The following NBEA variants were observed in gnomAD, a reference collection of about 807,000 sequenced individuals.
The protein encoded by NBEA is neurobeachin.
In NBEA, 44 loss-of-function variants were observed where a neutral mutation model predicts 343.4. That is an observed-to-expected ratio of 0.13 (90% CI 0.10 to 0.16). The LOEUF (loss-of-function observed/expected upper bound fraction) is 0.16, where lower values mean the gene tolerates loss of function less well. Ranked by LOEUF, NBEA falls within the 10% of genes least tolerant of loss-of-function variation. The probability of loss-of-function intolerance (pLI) is 1.00; values close to 1 mark genes in which losing one functional copy is unlikely to be tolerated. For synonymous variants in NBEA, 1,175 were observed against 1,238.7 expected (o/e 0.95, Z 1.08); for missense variants, 2,555 against 3,631.3 (o/e 0.70, Z 7.62).
At chr13:35,379,708 T>C (rs2041915375) in intron 38 of NBEA, among the ~76,000 whole-genome samples, 1 of 64,422 alleles carries the variant, frequency 1.6e-5, no homozygotes. Flanking sequence ...AAGTCAGGAT[T>C]ACTTTTTTTT....
intron 1 of NBEA, among the ~76,000 whole-genome samples, chr13:34,992,301 C>T (rs961064564): frequency 1.4e-5 from 2 of 146,456 alleles, no homozygotes; most frequent in South Asian, 2.2e-4. Flanking sequence ...GTCACCCAGG[C>T]TGGAGTGCAG....
chr13:35,111,777 A>AAATTTTT (rs2066220777), intron 13 of NBEA, among the ~76,000 whole-genome samples: 1 of 152,084 alleles, frequency 6.6e-6, no homozygotes, highest in Non-Finnish European at 1.5e-5. Context: ...CAAATATTTT[A>AAATTTTT]AATTTTTTTC....
At chr13:35,082,430 C>T (rs139487866) in intron 10 of NBEA, among the ~76,000 whole-genome samples, 6,973 of 152,220 alleles carry the variant, frequency 0.046, 240 homozygotes, top group Non-Finnish European at 0.068. Flanking sequence ...TGGATATATA[C>T]CCAGTAATGG....
At position 35,201,300 on chromosome 13, in the gene NBEA, A is replaced by T. The variant is rs546782772; in HGVS notation, c.5366+4998A>T. Among the ~76,000 whole-genome samples the T allele has an allele frequency of 2.0e-5, 3 of 152,220 alleles. No individual in the cohort carries two copies. The South Asian group carries it at 6.2e-4, about 32-fold the overall frequency. ...TAAAGTTCAGTGAGCTGAATAAAGT[A>T]TCTCTCATTAATAGGTGATTTAATG... On this transcript the variant is annotated intron_variant, in intron 31 of 58. Transcript: ENST00000379939.
chr13:35,621,949 A>C (rs997602652), intron 48 of NBEA, among the ~76,000 whole-genome samples: 4 of 152,244 alleles, frequency 2.6e-5, no homozygotes, highest in African/African-American at 9.6e-5. Context: ...TCATTTGTAC[A>C]GTACCTCACA....
intron 38 of NBEA, among the ~76,000 whole-genome samples, chr13:35,402,671 T>G (rs2043053049): frequency 6.6e-6 from 1 of 152,142 alleles, no homozygotes; most frequent in African/African-American, 2.4e-5. Flanking sequence ...AGTACACTTT[T>G]TAATTAGTTT....
chr13:35,457,249 A>T (rs1354886596), intron 40 of NBEA, among the ~76,000 whole-genome samples: 1 of 150,740 alleles, frequency 6.6e-6, no homozygotes, highest in Admixed American at 6.6e-5. Context: ...TTGTGTTAGC[A>T]TTTTTTTTTG....
intron 41 of NBEA, among the ~76,000 whole-genome samples, chr13:35,509,088 G>A (rs182872006): frequency 1.4e-3 from 208 of 152,284 alleles, no homozygotes; most frequent in African/African-American, 4.7e-3. Context: ...TTATAATGGC[G>A]GATGCCATTG....
At chr13:35,423,648 C>T (rs1027916352) in intron 38 of NBEA, among the ~76,000 whole-genome samples, 2 of 152,054 alleles carry the variant, frequency 1.3e-5, no homozygotes, top group Non-Finnish European at 2.9e-5. Flanking sequence ...TTTTTGGTTC[C>T]ATATGAACTT....
intron 34 of NBEA, among the ~76,000 whole-genome samples, chr13:35,286,932 G>A (rs1225743683): frequency 6.6e-6 from 1 of 151,972 alleles, no homozygotes. Flanking sequence ...TTTATTTACT[G>A]CCTGGATCTG....
chr13:35,596,980 C>T (rs532574359), intron 47 of NBEA, among the ~76,000 whole-genome samples: 3 of 151,984 alleles, frequency 2.0e-5, no homozygotes, highest in Admixed American at 2.0e-4. Context: ...ACGTCTGGAT[C>T]GGATTTGATT....
intron 13 of NBEA, among the ~76,000 whole-genome samples, chr13:35,111,267 T>C (rs907160300): frequency 4.6e-5 from 7 of 152,154 alleles, no homozygotes; most frequent in Admixed American, 1.3e-4. Context: ...AGATAAATGA[T>C]ATTGGTTATA....
intron 48 of NBEA, among the ~76,000 whole-genome samples, chr13:35,614,019 T>C (rs2082632445): frequency 6.6e-6 from 1 of 152,208 alleles, no homozygotes; most frequent in East Asian, 1.9e-4. Context: ...CACTTATCTT[T>C]CATCTTTTTT....
chr13:35,255,739 A>C (rs1014054307), intron 34 of NBEA, among the ~76,000 whole-genome samples: 8 of 152,220 alleles, frequency 5.3e-5, no homozygotes, highest in Non-Finnish European at 5.9e-5. Context: ...TGAGTCCTGC[A>C]GCTGTTCTCT....
At chr13:35,337,715 A>G (rs1351194034) in intron 36 of NBEA, among the ~76,000 whole-genome samples, 4 of 152,094 alleles carry the variant, frequency 2.6e-5, no homozygotes, top group African/African-American at 9.7e-5. Flanking sequence ...AGGACAGACC[A>G]TATGTGGCCA....
At chr13:35,511,148 A>G (rs1328690939) in intron 41 of NBEA, among the ~76,000 whole-genome samples, 1 of 152,204 alleles carries the variant, frequency 6.6e-6, no homozygotes, top group African/African-American at 2.4e-5. Flanking sequence ...TAAATACTCA[A>G]GTAAAAGCTT....
intron 10 of NBEA, among the ~76,000 whole-genome samples, chr13:35,074,059 G>T (rs890632225): frequency 2.0e-5 from 3 of 152,120 alleles, no homozygotes; most frequent in Non-Finnish European, 4.4e-5. Context: ...ACTTATAGTT[G>T]TTTTATGTAT....
chr13:35,604,504 C>T lies in NBEA; in HGVS notation c.7297-1922C>T, dbSNP rs529877473. Among the ~76,000 whole-genome samples, 6 of 152,074 alleles carry T rather than the reference C, an allele frequency of 3.9e-5. No homozygotes were observed. In the East Asian group the frequency reaches 1.2e-3, roughly 29 times the overall value. On this transcript the variant is annotated intron_variant, in intron 47 of 58. Transcript: ENST00000379939. ...CTCTCCACACTTAGCAGTTGCCCTT[C>T]TCTCTTTCTCCTCCCTATACATGCA...
intron 38 of NBEA, among the ~76,000 whole-genome samples, chr13:35,367,989 T>G (rs1281220687): frequency 1.3e-5 from 2 of 151,608 alleles, no homozygotes; most frequent in Non-Finnish European, 3.0e-5. Context: ...TTGTTAAAAT[T>G]TTCACCTTTC....
Sources: gnomAD v4.1 joint callset for allele counts (sites outside exome capture counted in the v4.1 genomes callset) on GRCh38, gnomAD v4.1.1 for gene constraint, MANE v1.5 for transcripts, NCBI Gene and HGNC (gene_info 2026-07-23, HGNC 2026-07-21) for gene names.